Variants in PTPRD observed in about 807,000 individuals in gnomAD.
The protein encoded by PTPRD is protein tyrosine phosphatase receptor type D, also known as receptor-type tyrosine-protein phosphatase delta.
A neutral mutation model predicts 214.5 loss-of-function variants in PTPRD; 34 were observed. That is an observed-to-expected ratio of 0.16 (90% CI 0.12 to 0.21). The LOEUF is 0.21. Ranked by LOEUF, PTPRD falls within the 10% of genes least tolerant of loss-of-function variation. The pLI is 1.00. For synonymous variants in PTPRD, 1,128 were observed against 845.7 expected, an observed-to-expected ratio of 1.33 and a Z score of -5.79; for missense variants, 2,545 against 2,398.7, an observed-to-expected ratio of 1.06 and a Z score of -1.27.
At chr9:9,460,464 A>G (rs1355920776) in intron 8 of PTPRD, among the ~76,000 whole-genome samples, 1 of 152,100 alleles carries the variant, frequency 6.6e-6, no homozygotes, top group Non-Finnish European at 1.5e-5. Flanking sequence ...AGAATCTACA[A>G]ATAATCTAAA....
At chr9:10,025,816 C>T (rs1350817755) in intron 4 of PTPRD, among the ~76,000 whole-genome samples, 1 of 152,148 alleles carries the variant, frequency 6.6e-6, no homozygotes, top group East Asian at 1.9e-4. Context: ...TTGAAAGACT[C>T]TGAGGAAACC....
chr9:8,767,919 C>A (rs560128356), intron 11 of PTPRD, among the ~76,000 whole-genome samples: 3 of 152,240 alleles, frequency 2.0e-5, no homozygotes, highest in African/African-American at 7.2e-5. Flanking sequence ...ACATATATAA[C>A]TAAACATGGT....
intron 21 of PTPRD, 151 bp downstream of exon 21, chr9:8,517,697 C>A: frequency 1.5e-6 from 1 of 665,608 alleles, no homozygotes; most frequent in Non-Finnish European, 2.6e-6. Context: ...ATGCTTGTTC[C>A]TTTTCAGATA....
chr9:10,063,035 T>A (rs887815877), intron 3 of PTPRD, among the ~76,000 whole-genome samples: 1 of 152,098 alleles, frequency 6.6e-6, no homozygotes, highest in African/African-American at 2.4e-5. Flanking sequence ...ATATATTGAA[T>A]TTTTAGTATA....
chr9:9,089,292 G>T (rs912541902), intron 10 of PTPRD, among the ~76,000 whole-genome samples: 4 of 152,202 alleles, frequency 2.6e-5, no homozygotes, highest in Admixed American at 2.6e-4. Flanking sequence ...AGAAATAAGT[G>T]TGTCCTAATA....
chr9:10,097,717 G>A (rs2098506047), intron 3 of PTPRD, among the ~76,000 whole-genome samples: 2 of 151,578 alleles, frequency 1.3e-5, no homozygotes, highest in Non-Finnish European at 2.9e-5. Context: ...TTTCCTAATT[G>A]AATGCCCTTT....
At chr9:9,750,609 G>C (rs545585532) in intron 6 of PTPRD, among the ~76,000 whole-genome samples, 1 of 152,106 alleles carries the variant, frequency 6.6e-6, no homozygotes, top group Non-Finnish European at 1.5e-5. Flanking sequence ...ACTTCCTACA[G>C]AGGTTTGCAC....
chr9:9,036,919 T>C (rs1023366704), intron 10 of PTPRD, among the ~76,000 whole-genome samples: 6 of 152,166 alleles, frequency 3.9e-5, no homozygotes, highest in Admixed American at 2.0e-4. Context: ...TATTTTCTCA[T>C]AGTTCAATGA....
At chr9:8,683,651 T>C (rs1204881167) in intron 12 of PTPRD, among the ~76,000 whole-genome samples, 1 of 152,158 alleles carries the variant, frequency 6.6e-6, no homozygotes, top group African/African-American at 2.4e-5. Context: ...AAGGTCTCCT[T>C]CCACTAGCAG....
intron 44 of PTPRD, among the ~76,000 whole-genome samples, chr9:8,330,220 G>C (rs754324541): frequency 6.6e-6 from 1 of 152,086 alleles, no homozygotes; most frequent in Non-Finnish European, 1.5e-5. Context: ...TGTCCAACCA[G>C]TCCCAATGAG....
At chr9:8,934,016 C>T (rs188895848) in intron 11 of PTPRD, among the ~76,000 whole-genome samples, 129 of 152,080 alleles carry the variant, frequency 8.5e-4, no homozygotes, top group African/African-American at 2.8e-3. Flanking sequence ...TCTAAAACTT[C>T]AGATGCTTAA....
chr9:10,464,631 T>C (rs1001505353), intron 2 of PTPRD, among the ~76,000 whole-genome samples: 4 of 152,026 alleles, frequency 2.6e-5, no homozygotes, highest in African/African-American at 9.7e-5. Context: ...AAAATTATAA[T>C]AGAAATGCAT....
At chr9:8,533,818 A>T (rs2076285562) in intron 14 of PTPRD, among the ~76,000 whole-genome samples, 1 of 151,984 alleles carries the variant, frequency 6.6e-6, no homozygotes, top group Non-Finnish European at 1.5e-5. Flanking sequence ...TGCTTTGACA[A>T]TTACTTTTTC....
At chr9:10,604,500 G>C (rs963210564) in intron 2 of PTPRD, among the ~76,000 whole-genome samples, 2 of 151,680 alleles carry the variant, frequency 1.3e-5, no homozygotes, top group African/African-American at 4.8e-5. Flanking sequence ...CCTCCTGAGG[G>C]GCAGGAAAAT....
chr9:8,713,808 A>T, intron 12 of PTPRD: 1 of 1,533,002 alleles, frequency 6.5e-7, no homozygotes, highest in Non-Finnish European at 8.8e-7. Context: ...ACAAGCCACG[A>T]TTCACCACCA....
intron 9 of PTPRD, among the ~76,000 whole-genome samples, chr9:9,199,184 G>C (rs1422873245): frequency 1.3e-5 from 2 of 152,116 alleles, no homozygotes; most frequent in African/African-American, 4.8e-5. Flanking sequence ...GTTGCACCTA[G>C]GGTATTTTGT....
chr9:8,846,762 T>G (rs974374905), intron 11 of PTPRD, among the ~76,000 whole-genome samples: 1 of 151,972 alleles, frequency 6.6e-6, no homozygotes, highest in African/African-American at 2.4e-5. Flanking sequence ...AAAATGAATA[T>G]GAGTATGGCA....
chr9:9,114,894 T>C (rs2099810847), intron 10 of PTPRD, among the ~76,000 whole-genome samples: 2 of 152,078 alleles, frequency 1.3e-5, no homozygotes, highest in African/African-American at 4.8e-5. Context: ...AGGGAAACGT[T>C]CTCTTGAATT....
intron 12 of PTPRD, among the ~76,000 whole-genome samples, chr9:8,654,021 T>A (rs1337999043): frequency 1.3e-5 from 2 of 152,158 alleles, no homozygotes; most frequent in Non-Finnish European, 2.9e-5. Context: ...GTCAGACTAT[T>A]CTTTGTTGTA....
Sources: gnomAD v4.1 joint callset for allele counts (sites outside exome capture counted in the v4.1 genomes callset) on GRCh38, gnomAD v4.1.1 for gene constraint, MANE v1.5 for transcripts, NCBI Gene and HGNC (gene_info 2026-07-23, HGNC 2026-07-21) for gene names.